Variants in PLXDC2 observed in about 807,000 individuals in gnomAD.
The protein encoded by PLXDC2 is plexin domain containing 2.
A neutral mutation model predicts 68.9 loss-of-function variants in PLXDC2; 40 were observed. The ratio of observed to expected loss-of-function variants is 0.58; its 90% CI spans 0.45 to 0.76. PLXDC2 has a LOEUF of 0.76. Among genes scored for constraint, PLXDC2 ranks in the 30% least tolerant of loss-of-function variants. The probability of loss-of-function intolerance (pLI) is 0.00; values close to 1 mark genes in which losing one functional copy is unlikely to be tolerated. For missense variants in PLXDC2, 644 were observed against 661.9 expected (o/e 0.97, Z 0.30); for synonymous variants, 243 against 234.2 (o/e 1.04, Z -0.34).
At chr10:20,084,473 C>T (rs547021713) in intron 4 of PLXDC2, among the ~76,000 whole-genome samples, 29 of 152,074 alleles carry the variant, frequency 1.9e-4, no homozygotes, top group Non-Finnish European at 4.0e-4. Context: ...CTGGGCTGAC[C>T]TTATAGCAGG....
rs75063565 is a variant in PLXDC2, at chr10:19,932,047, C to T, written c.113-69728C>T. On this transcript the variant is annotated intron_variant, in intron 1 of 13. Coordinates refer to ENST00000377252, the MANE Select transcript of PLXDC2 (RefSeq NM_032812.9). ...AGAACTTGCATGACTGTATAAACAG[C>T]TTTTTGATACTGTGTATCACATGCT... is the stretch of plus-strand genomic sequence containing the variant. Among the ~76,000 whole-genome samples, 1,279 of 151,866 alleles carry T rather than the reference C, an allele frequency of 8.4e-3. 25 individuals carry two copies. Among genetic ancestry groups the T allele is most frequent in the African/African-American group, 0.029 (1,213 of 41,392 alleles).
At chr10:19,827,760 T>C (rs1010335195) in intron 1 of PLXDC2, among the ~76,000 whole-genome samples, 2 of 152,136 alleles carry the variant, frequency 1.3e-5, no homozygotes, top group African/African-American at 4.8e-5. Context: ...GGTTTCACCA[T>C]GTTGGCCAAG....
At chr10:20,040,797 G>A (rs1302238433) in intron 2 of PLXDC2, among the ~76,000 whole-genome samples, 3 of 152,138 alleles carry the variant, frequency 2.0e-5, no homozygotes, top group African/African-American at 7.2e-5. Flanking sequence ...TACTATGTTT[G>A]AGGAAAATAA....
At chr10:20,110,087 A>C (rs1259189890) in intron 4 of PLXDC2, among the ~76,000 whole-genome samples, 1 of 152,248 alleles carries the variant, frequency 6.6e-6, no homozygotes, top group Non-Finnish European at 1.5e-5. Context: ...GTGACAGGAA[A>C]GTTCAAGGGA....
intron 9 of PLXDC2, among the ~76,000 whole-genome samples, chr10:20,185,978 C>A (rs1834677272): frequency 6.6e-6 from 1 of 151,936 alleles, no homozygotes; most frequent in South Asian, 2.1e-4. Flanking sequence ...AATATGCTGA[C>A]TTCCTTGTAA....
At chr10:20,074,749 T>G (rs1836409525) in intron 4 of PLXDC2, among the ~76,000 whole-genome samples, 1 of 152,190 alleles carries the variant, frequency 6.6e-6, no homozygotes. Flanking sequence ...TTACTCATGA[T>G]GATTGATTTG....
At chr10:20,188,928 G>A (rs193150369) in intron 9 of PLXDC2, among the ~76,000 whole-genome samples, 263 of 151,760 alleles carry the variant, frequency 1.7e-3, no homozygotes, top group African/African-American at 6.1e-3. Flanking sequence ...ATACAACTAA[G>A]ATGGTTGTTT....
chr10:20,215,479 C>T (rs66541461), intron 10 of PLXDC2, among the ~76,000 whole-genome samples: 2 of 151,604 alleles, frequency 1.3e-5, no homozygotes, highest in Non-Finnish European at 1.5e-5. Context: ...GGCAGTCCCT[C>T]TTCTGGGACT....
rs147644062 is a variant in PLXDC2 at position 20,177,445 on chromosome 10, A to G, written c.1061+36A>G. Reference sequence around the variant, plus strand: ...AATAATAAGAATAATAATAAAATTTAAAAAGATATTTTAAAAGATTAGAAA... The same window carrying G: ...AATAATAAGAATAATAATAAAATTTGAAAAGATATTTTAAAAGATTAGAAA... On this transcript the variant is annotated intron_variant, in intron 9 of 13. Transcript: ENST00000377252. 26 of 1,071,068 alleles carry G rather than the reference A, an allele frequency of 2.4e-5. 1 individual carries two copies. The African/African-American group carries it at 4.4e-4, about 18-fold the overall frequency. 66.3% of individuals were successfully genotyped at this position (1,071,068 alleles called of 1,614,324 possible).
chr10:20,019,870 A>G (rs1041121892), intron 2 of PLXDC2, among the ~76,000 whole-genome samples: 4 of 152,082 alleles, frequency 2.6e-5, no homozygotes, highest in African/African-American at 4.8e-5. Flanking sequence ...ATATATGTGG[A>G]AAAATGTTCT....
intron 13 of PLXDC2, among the ~76,000 whole-genome samples, chr10:20,276,251 A>G (rs913824975): frequency 5.3e-5 from 8 of 151,758 alleles, no homozygotes; most frequent in Admixed American, 5.3e-4. Context: ...CCAACACAAA[A>G]CCCTCTCTGT....
At chr10:20,008,821 G>A (rs1835066669) in intron 2 of PLXDC2, among the ~76,000 whole-genome samples, 1 of 152,126 alleles carries the variant, frequency 6.6e-6, no homozygotes, top group Non-Finnish European at 1.5e-5. Context: ...CAAGTCTTTT[G>A]AGATCGGATG....
rs138250230 is a variant in PLXDC2, at chr10:20,250,080, C to A, written c.1473+4575C>A. Among the ~76,000 whole-genome samples the A allele has an allele frequency of 4.6e-3, 698 of 152,030 alleles. 8 individuals are homozygous for A. The highest frequency in any genetic ancestry group is 0.014 in the African/African-American group (570 of 41,492). On this transcript the variant is annotated intron_variant, in intron 13 of 13. Coordinates refer to ENST00000377252, the MANE Select transcript of PLXDC2 (RefSeq NM_032812.9). The stretch of plus-strand genomic sequence containing the variant: ...GTCCGGAGTTCGAGACCAGTTTGAC[C>A]AACATGGTGAAACCCCATCTCTACT...
chr10:20,033,189 T>C (rs1360233598), intron 2 of PLXDC2, among the ~76,000 whole-genome samples: 3 of 150,400 alleles, frequency 2.0e-5, no homozygotes, highest in African/African-American at 7.3e-5. Flanking sequence ...TAATAAAAAA[T>C]ATATAAAAAA....
chr10:20,127,277 G>C (rs562808028), intron 4 of PLXDC2, among the ~76,000 whole-genome samples: 1 of 152,102 alleles, frequency 6.6e-6, no homozygotes, highest in African/African-American at 2.4e-5. Context: ...GACATTGCGT[G>C]TTCTGATTTG....
At chr10:20,030,348 C>T (rs771028314) in intron 2 of PLXDC2, among the ~76,000 whole-genome samples, 1 of 152,174 alleles carries the variant, frequency 6.6e-6, no homozygotes, top group African/African-American at 2.4e-5. Flanking sequence ...GTGACTTGTT[C>T]TGATGAAAAC....
At chr10:20,182,509 TG>T (rs1487922989) in intron 9 of PLXDC2, among the ~76,000 whole-genome samples, 1 of 151,950 alleles carries the variant, frequency 6.6e-6, no homozygotes, top group Non-Finnish European at 1.5e-5. Flanking sequence ...GATGAAGACT[TG>T]GGTTGTTTTT....
At chr10:20,208,006 T>G (rs1252228082) in intron 9 of PLXDC2, among the ~76,000 whole-genome samples, 1 of 151,974 alleles carries the variant, frequency 6.6e-6, no homozygotes, top group African/African-American at 2.4e-5. Flanking sequence ...CAAAACAAGT[T>G]AAAAATAATA....
In PLXDC2 at chr10:19,919,380, T is replaced by G. The variant is rs1408876594; in HGVS notation, c.113-82395T>G. On this transcript the variant is annotated intron_variant, in intron 1 of 13. Transcript: ENST00000377252. ...GCATGTAGGCACTTGCTAACAGGAATGCAGCTTGCTGCCAGAGAATATTCT... is the reference window on the plus strand; with the variant it reads ...GCATGTAGGCACTTGCTAACAGGAAGGCAGCTTGCTGCCAGAGAATATTCT... Among the ~76,000 whole-genome samples, 14 of 152,004 alleles carry G rather than the reference T, an allele frequency of 9.2e-5. 1 individual carries two copies. Among genetic ancestry groups the G allele is most frequent in the Admixed American group, 9.2e-4 (14 of 15,272 alleles).
Sources: gnomAD v4.1 joint callset for allele counts (sites outside exome capture counted in the v4.1 genomes callset) on GRCh38, gnomAD v4.1.1 for gene constraint, MANE v1.5 for transcripts, NCBI Gene and HGNC (gene_info 2026-07-23, HGNC 2026-07-21) for gene names.